TP53I13: variants seen among roughly 807,000 people sequenced by gnomAD.
TP53I13 encodes the protein tumor protein p53 inducible protein 13.
TP53I13 carries 27 observed loss-of-function variants against 39.1 expected under a neutral mutation model. The observed-to-expected ratio is 0.69, with a 90% CI of 0.51 to 0.95. The LOEUF is 0.95. Among genes scored for constraint, TP53I13 ranks in the 40% least tolerant of loss-of-function variants. TP53I13 has a pLI of 0.00. For missense variants in TP53I13, 544 were observed against 520.4 expected (o/e 1.05, Z -0.44); for synonymous variants, 230 against 224.6 (o/e 1.02, Z -0.22).
chr17:29,581,036 C>G, the TP53I13 span: 1 of 397,772 alleles, frequency 2.5e-6, no homozygotes, highest in African/African-American at 2.0e-5. This position sits in a 1 kb window ranked among gnomAD's most constrained non-coding sequence, Gnocchi z 4.8. Flanking sequence ...GCCTCGGCCT[C>G]CCAAAGTGCT....
chr17:29,572,154 G>T lies in TP53I13; in HGVS notation c.526G>T (p.Ala176Ser). 1 of 1,608,276 alleles carries T rather than the reference G, an allele frequency of 6.2e-7. No homozygotes were observed. Among genetic ancestry groups the T allele is most frequent in the Non-Finnish European group, 8.5e-7 (1 of 1,176,806 alleles). ...RRGCVQALAL[A>S]FALRSWRPPG... ...CTCCTCTCCTTAGGCCCTGGCTCTG[G>T]CCTTTGCTCTGCGGAGCTGGCGGCC... Residue 176 changes from alanine to serine, a missense_variant, in exon 6 of 7, where the codon GCC becomes TCC. Physicochemically the swap from Ala to Ser is moderately conservative, Grantham distance 99 (BLOSUM62 1). Transcript: ENST00000301057.
At chr17:29,574,581 G>A (rs1352216647), downstream of TP53I13, 1 of 872,170 alleles carries the variant, frequency 1.1e-6, no homozygotes, top group Admixed American at 1.8e-5. Flanking sequence ...GCCAGGGAGT[G>A]TGGCAGCACT....
the TP53I13 span, chr17:29,581,074 C>A: frequency 1.9e-6 from 1 of 528,172 alleles, no homozygotes; most frequent in Admixed American, 3.1e-5. This position sits in a 1 kb window ranked among gnomAD's most constrained non-coding sequence, Gnocchi z 4.8. Flanking sequence ...CCACCGCGCC[C>A]GGCCCACAGG....
Position 29,571,942 on chromosome 17 carries a change from G to A in TP53I13, c.398G>A (p.Arg133Gln), listed in dbSNP as rs755786614. The A allele has an allele frequency of 1.4e-5, 22 of 1,612,946 alleles. No individual in the cohort carries two copies. In the South Asian group the frequency reaches 1.4e-4, roughly 10 times the overall value. ...AWAAHWLMRRRRRKQRKKKAW... is the reference protein window; with the variant it reads ...AWAAHWLMRRQRRKQRKKKAW... ...GCTGCCCACTGGCTGATGAGGAGGCGGAGGAGGAAGCAGAGGAAGAAGAAG... is the reference window on the plus strand; with the variant it reads ...GCTGCCCACTGGCTGATGAGGAGGCAGAGGAGGAAGCAGAGGAAGAAGAAG... Residue 133 changes from arginine to glutamine, a missense_variant, in exon 5 of 7, where the codon CGG (arginine) becomes CAG (glutamine). Physicochemically the swap from Arg to Gln is conservative, Grantham distance 43. Transcript: ENST00000301057.
At chr17:29,575,995 A>G (rs2033181273), downstream of TP53I13, 1 of 1,556,424 alleles carries the variant, frequency 6.4e-7, no homozygotes, top group Non-Finnish European at 8.9e-7. The surrounding 1 kb of genome is among the most constrained non-coding windows in gnomAD (Gnocchi z 5.5). Context: ...AATCATCTTA[A>G]GCCCCGAATT....
chr17:29,581,499 G>C, the TP53I13 span: 10 of 848,992 alleles, frequency 1.2e-5, no homozygotes, highest in Admixed American at 1.9e-5. This position sits in a 1 kb window ranked among gnomAD's most constrained non-coding sequence, Gnocchi z 4.8. Flanking sequence ...AAAGTGGGGA[G>C]GGCAGGCCAC....
the TP53I13 span, chr17:29,582,176 A>T: frequency 2.8e-5 from 41 of 1,482,522 alleles, 1 homozygote; most frequent in South Asian, 4.7e-4. Context: ...GTGAATACGC[A>T]TGTGCGTGAG....
chr17:29,572,604 C>A lies in TP53I13; in HGVS notation c.976C>A (p.Leu326Met). The A allele has an allele frequency of 6.3e-7, 1 of 1,591,372 alleles. No homozygotes were observed. The highest frequency in any genetic ancestry group is 8.5e-7 in the Non-Finnish European group (1 of 1,169,814). The change falls in exon 6 of 7, where the codon CTG becomes ATG. Residue 326 changes from leucine to methionine, a missense_variant. Coordinates refer to ENST00000301057, the MANE Select transcript of TP53I13 (RefSeq NM_138349.4). ...ALTFLLVLLT[L>M]ATLCTRLHRN... ...GACCTTCCTGCTGGTGCTGCTCACCCTGGCCACGCTCTGCACACGGCTGCA... is the reference window on the plus strand; with the variant it reads ...GACCTTCCTGCTGGTGCTGCTCACCATGGCCACGCTCTGCACACGGCTGCA...
downstream of TP53I13, chr17:29,576,004 T>TTCAGCACAGA: frequency 6.4e-7 from 1 of 1,567,426 alleles, no homozygotes; most frequent in East Asian, 2.2e-5. Flanking sequence ...AAGCCCCGAA[T>TTCAGCACAGA]TCAGCACAGA....
At chr17:29,571,488 G>A in intron 3 of TP53I13, 103 bp from the exon 4 acceptor site, 4 of 1,512,444 alleles carry the variant, frequency 2.6e-6, no homozygotes, top group Non-Finnish European at 3.6e-6. Context: ...GAGCCATCCA[G>A]CTATCCTGGG....
rs764844207 is a variant in TP53I13, at chr17:29,568,766, C to G, written c.8C>G (p.Pro3Arg). The G allele has an allele frequency of 1.9e-6, 3 of 1,587,730 alleles. No homozygotes were observed. The highest frequency in any genetic ancestry group is 1.7e-5 in the Admixed American group (1 of 59,166). Residue 3 changes from proline to arginine, a missense_variant, in exon 1 of 7, where the codon CCT becomes CGT. Physicochemically the swap from Pro to Arg is moderately radical, Grantham distance 103. Transcript: ENST00000301057. This position sits in a 1 kb window ranked among gnomAD's most constrained non-coding sequence, Gnocchi z 4.5. The part of the protein sequence containing the change: MA[P>R]PPPSPQLLLL... ...GGCCCGGGGCCGCTTGGAATGGCGC[C>G]TCCTCCGCCTTCGCCCCAACTGCTT...
chr17:29,575,910 G>A (rs1244539959), downstream of TP53I13: 1 of 1,599,418 alleles, frequency 6.3e-7, no homozygotes, highest in Admixed American at 1.7e-5. This position sits in a 1 kb window ranked among gnomAD's most constrained non-coding sequence, Gnocchi z 5.5. Flanking sequence ...TGAAACCCAG[G>A]GCAGCGCTGG....
At chr17:29,582,213 C>A in the TP53I13 span, 4 of 1,172,982 alleles carry the variant, frequency 3.4e-6, no homozygotes, top group South Asian at 1.4e-5. Flanking sequence ...ACAAGCTGCA[C>A]CCTGGCTGCC....
rs2033024516 is a variant in TP53I13 at position 29,572,981 on chromosome 17, C to G, written c.*57C>G. On this transcript the variant is annotated 3_prime_UTR_variant, in exon 7 of 7. Coordinates refer to ENST00000301057, the MANE Select transcript of TP53I13 (RefSeq NM_138349.4). ...TCCTCCCCGCGCCGCGAGGCCGCGA[C>G]CTCTGCCACGTGGACCGCGCGCGGG... is the stretch of plus-strand genomic sequence containing the variant. 2.3e-6 allele frequency: 3 copies of G among 1,323,464 alleles called. No homozygotes were observed. Among genetic ancestry groups the G allele is most frequent in the Non-Finnish European group, 9.7e-7 (1 of 1,031,546 alleles). 82.0% of individuals were successfully genotyped at this position (1,323,464 alleles called of 1,614,324 possible). A position where few individuals can be genotyped will look rare whatever the true frequency, so the allele number is the denominator to read the frequency against.
At chr17:29,576,797 G>C (rs2033221590), downstream of TP53I13, 1 of 1,577,996 alleles carries the variant, frequency 6.3e-7, no homozygotes, top group Non-Finnish European at 8.6e-7. Flanking sequence ...CAAGAGGACA[G>C]AGCTGGGCCT....
chr17:29,567,068 G>A (rs1015893416), upstream of TP53I13: 35 of 1,038,220 alleles, frequency 3.4e-5, no homozygotes, highest in African/African-American at 5.2e-4. This position sits in a 1 kb window ranked among gnomAD's most constrained non-coding sequence, Gnocchi z 6.6. Context: ...CGGCTGCCCA[G>A]GGCCCTCCCG....
downstream of TP53I13, chr17:29,576,561 G>A: frequency 1.2e-6 from 2 of 1,614,006 alleles, no homozygotes; most frequent in Non-Finnish European, 1.7e-6. Flanking sequence ...TCAGGCTACT[G>A]TTGACCTTCA....
At chr17:29,581,656 G>T in the TP53I13 span, 1 of 1,014,330 alleles carries the variant, frequency 9.9e-7, no homozygotes, top group Non-Finnish European at 1.5e-6. The surrounding 1 kb of genome is among the most constrained non-coding windows in gnomAD (Gnocchi z 4.8). Flanking sequence ...TGTCACCATG[G>T]CACCTGCTGC....
chr17:29,577,794 T>TG (rs2033266084), downstream of TP53I13: 3 of 1,119,774 alleles, frequency 2.7e-6, no homozygotes, highest in Middle Eastern at 5.9e-4. Flanking sequence ...GCCCCCAAGG[T>TG]GGGGGTGGGG....
Sources: gnomAD v4.1 joint callset for allele counts on GRCh38, gnomAD v4.1.1 for gene constraint, Gnocchi (gnomAD v3.1) non-coding constraint, MANE v1.5 for transcripts, NCBI Gene and HGNC (gene_info 2026-07-23, HGNC 2026-07-21) for gene names.